Variants in ST8SIA4 observed in about 807,000 individuals in gnomAD.
ST8SIA4 encodes CMP-N-acetylneuraminate-poly-alpha-2,8-sialyltransferase.
A neutral mutation model predicts 33.9 loss-of-function variants in ST8SIA4; 15 were observed. The ratio of observed to expected loss-of-function variants is 0.44; its 90% CI spans 0.30 to 0.68. The LOEUF (loss-of-function observed/expected upper bound fraction) is 0.68, where lower values mean the gene tolerates loss of function less well. Among genes scored for constraint, ST8SIA4 ranks in the 30% least tolerant of loss-of-function variants. The pLI is 0.10. For missense variants in ST8SIA4, 321 were observed against 428.0 expected, an observed-to-expected ratio of 0.75 and a Z score of 2.21; for synonymous variants, 171 against 151.2, an observed-to-expected ratio of 1.13 and a Z score of -0.96.
rs569831566 is a variant in ST8SIA4, at chr5:100,832,612, C to A, written c.798-20483G>T. ...ATCTTAATACATCCCTAACTAACTTCCACATATATCTCTTTCCTTCTCTTC... is the reference window on the plus strand; with the variant it reads ...ATCTTAATACATCCCTAACTAACTTACACATATATCTCTTTCCTTCTCTTC... On this transcript the variant is annotated intron_variant, in intron 4 of 4. Coordinates refer to ENST00000231461, the MANE Select transcript of ST8SIA4 (RefSeq NM_005668.6). 1.2e-4 allele frequency among the ~76,000 whole-genome samples: 18 copies of A among 152,174 alleles called. No homozygotes were observed. In the East Asian group the frequency reaches 3.5e-3, roughly 29 times the overall value.
At chr5:100,864,744 T>G (rs1303861894) in intron 3 of ST8SIA4, among the ~76,000 whole-genome samples, 1 of 152,116 alleles carries the variant, frequency 6.6e-6, no homozygotes. Flanking sequence ...GTTCTCTCAT[T>G]TATTAAATTC....
Position 100,811,688 on chromosome 5 carries a change from G to GTATT in ST8SIA4, c.*155_*158dup. 1.4e-6 allele frequency: 1 copy of GTATT among 710,054 alleles called. No individual in the cohort carries two copies. The highest frequency in any genetic ancestry group is 2.0e-5 in the South Asian group (1 of 49,970). 44.0% of individuals were successfully genotyped at this position (710,054 alleles called of 1,614,324 possible). Reference sequence around the variant, plus strand: ...ATTTAATTTTTAGAGCACTTTGCAGGTATTTCATCAGCTGGTAGTCGATTT... The same window carrying GTATT: ...ATTTAATTTTTAGAGCACTTTGCAGGTATTTATTTCATCAGCTGGTAGTCGATTT... On this transcript the variant is annotated 3_prime_UTR_variant, in exon 5 of 5. Coordinates refer to ENST00000231461, the MANE Select transcript of ST8SIA4 (RefSeq NM_005668.6).
intron 2 of ST8SIA4, chr5:100,890,785 G>A (rs979250003): frequency 6.6e-6 from 1 of 151,762 alleles, no homozygotes; most frequent in African/African-American, 2.4e-5. Context: ...GATAACTGAA[G>A]GAATCTGAAA....
chr5:100,872,999 A>G (rs1752230783), intron 3 of ST8SIA4, among the ~76,000 whole-genome samples: 1 of 152,074 alleles, frequency 6.6e-6, no homozygotes, highest in African/African-American at 2.4e-5. Context: ...TAATCAAATG[A>G]ACATTCTGAC....
At chr5:100,838,008 T>A (rs1751397658) in intron 4 of ST8SIA4, among the ~76,000 whole-genome samples, 1 of 152,034 alleles carries the variant, frequency 6.6e-6, no homozygotes, top group African/African-American at 2.4e-5. Flanking sequence ...TATACTTCAT[T>A]CTACTCTCAT....
intron 4 of ST8SIA4, among the ~76,000 whole-genome samples, chr5:100,826,203 C>T (rs1751140108): frequency 6.6e-6 from 1 of 152,010 alleles, no homozygotes; most frequent in Admixed American, 6.6e-5. Context: ...TAATGATCTT[C>T]CAGTATTTCT....
chr5:100,890,596 G>C (rs2112477652), intron 2 of ST8SIA4: 1 of 151,808 alleles, frequency 6.6e-6, no homozygotes, highest in South Asian at 2.1e-4. Flanking sequence ...CCTAGTACGT[G>C]GTCAAGTTAT....
chr5:100,894,810 G>A (rs964735458), intron 2 of ST8SIA4, among the ~76,000 whole-genome samples: 1 of 152,004 alleles, frequency 6.6e-6, no homozygotes, highest in Admixed American at 6.6e-5. Flanking sequence ...TAGTCACTAA[G>A]CTACACCTAT....
At chr5:100,833,878 C>T (rs151169039) in intron 4 of ST8SIA4, among the ~76,000 whole-genome samples, 29 of 152,166 alleles carry the variant, frequency 1.9e-4, no homozygotes, top group South Asian at 1.2e-3. Context: ...ACTTATCGTA[C>T]GGTACTATAA....
In ST8SIA4 at chr5:100,849,396, G is replaced by A. The variant is rs116196877; in HGVS notation, c.797+6707C>T. ...TGCGTAATTCTTCAAAATTCTCTAC[G>A]TCAGTGTTCTTAGTTAGAATTGTTC... On this transcript the variant is annotated intron_variant, in intron 4 of 4. Coordinates refer to ENST00000231461, the MANE Select transcript of ST8SIA4 (RefSeq NM_005668.6). 2,059 of 985,254 alleles carry A rather than the reference G, an allele frequency of 2.1e-3. 28 individuals carry two copies. The African/African-American group carries it at 0.033, about 16-fold the overall frequency. 61.0% of individuals were successfully genotyped at this position (985,254 alleles called of 1,614,324 possible).
intron 3 of ST8SIA4, among the ~76,000 whole-genome samples, chr5:100,867,001 T>C (rs1752080781): frequency 6.6e-6 from 1 of 152,132 alleles, no homozygotes; most frequent in South Asian, 2.1e-4. Flanking sequence ...AGAATTAGCA[T>C]GTGATTGTTT....
chr5:100,883,760 A>T (rs576475051), intron 3 of ST8SIA4, among the ~76,000 whole-genome samples: 7 of 151,986 alleles, frequency 4.6e-5, no homozygotes, highest in Admixed American at 3.9e-4. Flanking sequence ...CTGCTTTTGC[A>T]TCTCCCTCAT....
At chr5:100,816,433 A>G in intron 4 of ST8SIA4, 1 of 508,452 alleles carries the variant, frequency 2.0e-6, no homozygotes, top group South Asian at 1.5e-5. Context: ...ACAAACAAGG[A>G]ATATTGGTTT....
At chr5:100,852,294 G>A (rs1370561722) in intron 4 of ST8SIA4, among the ~76,000 whole-genome samples, 5 of 150,916 alleles carry the variant, frequency 3.3e-5, no homozygotes, top group African/African-American at 9.7e-5. Flanking sequence ...GCTCTTTTTC[G>A]TATTTTTAGT....
intron 4 of ST8SIA4, among the ~76,000 whole-genome samples, chr5:100,832,711 T>C (rs1453527211): frequency 2.0e-5 from 3 of 152,122 alleles, no homozygotes; most frequent in Non-Finnish European, 2.9e-5. Flanking sequence ...AAAATGTTCT[T>C]ATAGGCTCCT....
chr5:100,815,096 TAAAATTTAGC>T (rs1750887668), intron 4 of ST8SIA4, among the ~76,000 whole-genome samples: 1 of 152,060 alleles, frequency 6.6e-6, no homozygotes, highest in African/African-American at 2.4e-5. Context: ...TGTTATGGTT[TAAAATTTAGC>T]AAAATTTTAC....
At chr5:100,842,555 G>A (rs1751491191) in intron 4 of ST8SIA4, among the ~76,000 whole-genome samples, 1 of 151,636 alleles carries the variant, frequency 6.6e-6, no homozygotes, top group Non-Finnish European at 1.5e-5. Flanking sequence ...TCTCAGATAG[G>A]GGCTATTAAC....
At chr5:100,845,688 A>G (rs1751553783) in intron 4 of ST8SIA4, among the ~76,000 whole-genome samples, 1 of 149,088 alleles carries the variant, frequency 6.7e-6, no homozygotes, top group Admixed American at 6.6e-5. Flanking sequence ...TCTGATTATG[A>G]AATTTTAGTC....
chr5:100,879,258 C>T (rs1429159469), intron 3 of ST8SIA4, among the ~76,000 whole-genome samples: 2 of 152,122 alleles, frequency 1.3e-5, no homozygotes, highest in African/African-American at 4.8e-5. Flanking sequence ...AACTCCTAGT[C>T]CTAAGTGTAC....
Sources: allele counts gnomAD v4.1 joint callset (sites outside exome capture counted in the v4.1 genomes callset), GRCh38; gene constraint gnomAD v4.1.1; transcripts MANE v1.5; gene names NCBI Gene and HGNC (gene_info 2026-07-23, HGNC 2026-07-21).